FLRT2: variants seen among roughly 807,000 people sequenced by gnomAD.
FLRT2 encodes leucine-rich repeat transmembrane protein FLRT2.
Under a neutral mutation model 40.0 loss-of-function variants are expected in FLRT2, and 15 were observed. The ratio of observed to expected loss-of-function variants is 0.38; its 90% CI spans 0.25 to 0.58. The LOEUF is 0.58. Ranked by LOEUF, FLRT2 falls within the 20% of genes least tolerant of loss-of-function variation. The pLI is 0.71. For synonymous variants in FLRT2, 380 were observed against 336.8 expected, an observed-to-expected ratio of 1.13 and a Z score of -1.41; for missense variants, 726 against 840.0, an observed-to-expected ratio of 0.86 and a Z score of 1.68.
At chr14:85,535,050 G>C (rs1416448391) in intron 1 of FLRT2, among the ~76,000 whole-genome samples, 1 of 152,140 alleles carries the variant, frequency 6.6e-6, no homozygotes, top group Admixed American at 6.5e-5. Context: ...GCACAAATCC[G>C]TGTAAACGCT....
chr14:85,619,610 T>G (rs1893294443), intron 1 of FLRT2, among the ~76,000 whole-genome samples: 1 of 152,230 alleles, frequency 6.6e-6, no homozygotes, highest in African/African-American at 2.4e-5. Flanking sequence ...CTTTTTTTCT[T>G]TTTTAATTAT....
chr14:85,535,362 AAAAAC>A (rs1888584631), intron 1 of FLRT2, among the ~76,000 whole-genome samples: 5 of 149,908 alleles, frequency 3.3e-5, no homozygotes, highest in African/African-American at 9.8e-5. Flanking sequence ...CCCAAAAAAA[AAAAAC>A]AACAACATTT....
chr14:85,596,395 T>C (rs1370261974), intron 1 of FLRT2, among the ~76,000 whole-genome samples: 1 of 152,254 alleles, frequency 6.6e-6, no homozygotes, highest in Non-Finnish European at 1.5e-5. Flanking sequence ...TCTGTTTTCC[T>C]TTCTGAGGAG....
chr14:85,608,636 G>T (rs1273967743), intron 1 of FLRT2, among the ~76,000 whole-genome samples: 1 of 152,146 alleles, frequency 6.6e-6, no homozygotes, highest in East Asian at 1.9e-4. Flanking sequence ...CAATATTCGT[G>T]AGTTAAGTCA....
At chr14:85,567,142 A>G (rs1444283058) in intron 1 of FLRT2, among the ~76,000 whole-genome samples, 1 of 151,896 alleles carries the variant, frequency 6.6e-6, no homozygotes, top group Non-Finnish European at 1.5e-5. Context: ...AAACACGTGC[A>G]TAAAGTTTGG....
rs918403648 is a variant in FLRT2 at position 85,636,397 on chromosome 14, AAAAAAAAAAAAC to A, written c.*12907_*12918del. 5 of 143,996 alleles carry A rather than the reference AAAAAAAAAAAAC, an allele frequency of 3.5e-5. No individual in the cohort carries two copies. The highest frequency in any genetic ancestry group is 3.5e-3 in the Middle Eastern group (1 of 284). 8.9% of individuals were successfully genotyped at this position (143,996 alleles called of 1,614,324 possible). A position where few individuals can be genotyped will look rare whatever the true frequency, so the allele number is the denominator to read the frequency against. On this transcript the variant is annotated 3_prime_UTR_variant, in exon 2 of 2. Transcript: ENST00000330753. ...AAGGTGAAGTCACCTGCAGAAAAAA[AAAAAAAAAAAAC>A]AAAAAACATTCTTATTAATCTTAAC...
intron 1 of FLRT2, chr14:85,562,807 C>T (rs907106316): frequency 7.2e-5 from 11 of 151,908 alleles, no homozygotes; most frequent in African/African-American, 1.9e-4. Context: ...CAAAGAACAT[C>T]ATTTGTCAGA....
At chr14:85,594,098 T>C (rs4904261) in intron 1 of FLRT2, among the ~76,000 whole-genome samples, 72,541 of 152,014 alleles carry the variant, frequency 0.48, 17,759 homozygotes, top group East Asian at 0.77. Flanking sequence ...TTCCTAGTCA[T>C]CTTATATATT....
In FLRT2 at chr14:85,643,844, T is replaced by G. The variant is rs1894227038; in HGVS notation, c.*20347T>G. 6.6e-6 allele frequency: 1 copy of G among 152,184 alleles called. No homozygotes were observed. The highest frequency in any genetic ancestry group is 2.4e-5 in the African/African-American group (1 of 41,452). 9.4% of individuals were successfully genotyped at this position (152,184 alleles called of 1,614,324 possible). On this transcript the variant is annotated 3_prime_UTR_variant, in exon 2 of 2. Coordinates refer to ENST00000330753, the MANE Select transcript of FLRT2 (RefSeq NM_013231.6). ...GAGTGACAGAGAACAAACGACAACA[T>G]TTAGTCCAGTTGCAGCAGAGTGGTT... is the stretch of plus-strand genomic sequence containing the variant.
intron 1 of FLRT2, among the ~76,000 whole-genome samples, chr14:85,569,249 G>A (rs1890784962): frequency 6.6e-6 from 1 of 152,174 alleles, no homozygotes; most frequent in Admixed American, 6.5e-5. Flanking sequence ...TCTGCCATCC[G>A]CCGACACCCT....
At chr14:85,569,166 A>G (rs1459906335) in intron 1 of FLRT2, among the ~76,000 whole-genome samples, 3 of 152,184 alleles carry the variant, frequency 2.0e-5, no homozygotes, top group Non-Finnish European at 2.9e-5. Flanking sequence ...GCCACTCCAG[A>G]TTACCATTTT....
chr14:85,611,522 A>G (rs1221317154), intron 1 of FLRT2, among the ~76,000 whole-genome samples: 2 of 152,174 alleles, frequency 1.3e-5, no homozygotes, highest in Admixed American at 1.3e-4. Flanking sequence ...GTTGTTGCCC[A>G]CTCACATGTC....
rs951985594 is a variant in FLRT2 at position 85,622,742 on chromosome 14, G to T, written c.1228G>T (p.Asp410Tyr). ...PTTSKLPTIP[D>Y]WDGRERVTPP... The stretch of plus-strand genomic sequence containing the variant: ...CACATCGAAACTTCCCACGATTCCT[G>T]ACTGGGATGGCAGAGAAAGAGTGAC... Residue 410 changes from aspartate (D) to tyrosine (Y), a missense_variant, in exon 2 of 2, where the codon GAC (aspartate) becomes TAC (tyrosine). By Grantham distance (160) the Asp-to-Tyr change is radical (BLOSUM62 -3). Around this residue, in one of 3 missense-constraint regions of FLRT2, gnomAD observed 611 missense variants for 690.0 expected, o/e 0.89. Coordinates refer to ENST00000330753, the MANE Select transcript of FLRT2 (RefSeq NM_013231.6). 1 of 1,614,024 alleles carries T rather than the reference G, an allele frequency of 6.2e-7. No individual in the cohort carries two copies. The highest frequency in any genetic ancestry group is 1.3e-5 in the African/African-American group (1 of 74,996).
intron 1 of FLRT2, among the ~76,000 whole-genome samples, chr14:85,595,942 T>C (rs1309279819): frequency 5.9e-5 from 9 of 152,154 alleles, no homozygotes; most frequent in African/African-American, 1.9e-4. Flanking sequence ...TCTTTGTCTG[T>C]TGGTTGGAGT....
rs574361233 is a variant in FLRT2 at position 85,625,467 on chromosome 14, A to G, written c.*1970A>G. The stretch of plus-strand genomic sequence containing the variant: ...TCCCTTGTCCCTCAGAATAAGCAGA[A>G]AATATAACTGCAGCTGTATGTCGTA... On this transcript the variant is annotated 3_prime_UTR_variant, in exon 2 of 2. Transcript: ENST00000330753. 8.4e-5 allele frequency: 14 copies of G among 167,134 alleles called. No individual in the cohort carries two copies. The East Asian group carries it at 2.5e-3, about 30-fold the overall frequency. The allele number at this position is 167,134 out of a possible 1,614,324, so 10.4% of individuals were successfully genotyped here.
rs1380911697 is a variant in FLRT2 at position 85,622,534 on chromosome 14, A to G, written c.1020A>G (p.Gln340=). The G allele has an allele frequency of 6.2e-7, 1 of 1,614,062 alleles. No individual in the cohort carries two copies. The highest frequency in any genetic ancestry group is 2.2e-5 in the East Asian group (1 of 44,870). Residue 340 remains glutamine, a synonymous_variant, in exon 2 of 2, where the codon CAA becomes CAG. Coordinates refer to ENST00000330753, the MANE Select transcript of FLRT2 (RefSeq NM_013231.6). ...SSLNVRGFMC[Q]GPEQVRGMAV... is the part of the protein sequence containing the mutation. ...TCAACGTGCGGGGTTTCATGTGCCA[A>G]GGTCCTGAACAAGTCCGGGGGATGG...
At chr14:85,581,832 G>A (rs1203089733) in intron 1 of FLRT2, among the ~76,000 whole-genome samples, 5 of 152,130 alleles carry the variant, frequency 3.3e-5, no homozygotes, top group African/African-American at 1.2e-4. Flanking sequence ...TGTAAGGTTT[G>A]GAATCATTTT....
intron 1 of FLRT2, among the ~76,000 whole-genome samples, chr14:85,550,524 TTC>T (rs1889559029): frequency 6.6e-6 from 1 of 152,204 alleles, no homozygotes; most frequent in African/African-American, 2.4e-5. Flanking sequence ...TGAGTTTTGT[TTC>T]TTTTTCTGCA....
At position 85,598,925 on chromosome 14, in the gene FLRT2, T is replaced by TG. The variant is rs1381981150; in HGVS notation, c.-376-22214_-376-22213insG. 2.7e-5 allele frequency among the ~76,000 whole-genome samples: 4 copies of TG among 148,972 alleles called. No homozygotes were observed. In the East Asian group the frequency reaches 6.0e-4, roughly 22 times the overall value. ...TAAGAGAAATGGGATGGTTTTTTTTTTTTTTTTTTTGAGACGGAGTCTCGC... is the reference window on the plus strand; with the variant it reads ...TAAGAGAAATGGGATGGTTTTTTTTTGTTTTTTTTTTGAGACGGAGTCTCGC... On this transcript the variant is annotated intron_variant, in intron 1 of 1. Coordinates refer to ENST00000330753, the MANE Select transcript of FLRT2 (RefSeq NM_013231.6).
Sources: allele counts gnomAD v4.1 joint callset (sites outside exome capture counted in the v4.1 genomes callset), GRCh38; gene constraint gnomAD v4.1.1; regional missense constraint gnomAD v4.1.1; transcripts MANE v1.5; gene names NCBI Gene and HGNC (gene_info 2026-07-23, HGNC 2026-07-21).